PBX4: variants seen among roughly 807,000 people sequenced by gnomAD.
The protein encoded by PBX4 is pre-B-cell leukemia transcription factor 4.
PBX4 carries 26 observed loss-of-function variants against 35.1 expected under a neutral mutation model. The observed-to-expected ratio is 0.74, with a 90% CI of 0.54 to 1.03. The LOEUF (loss-of-function observed/expected upper bound fraction) is 1.03, where lower values mean the gene tolerates loss of function less well. Among genes scored for constraint, PBX4 ranks in the 50% least tolerant of loss-of-function variants. The pLI is 0.00. For synonymous variants in PBX4, 199 were observed against 204.2 expected, an observed-to-expected ratio of 0.97 and a Z score of 0.22; for missense variants, 448 against 504.3, an observed-to-expected ratio of 0.89 and a Z score of 1.07.
intron 2 of PBX4, among the ~76,000 whole-genome samples, chr19:19,578,634 G>T (rs1195385634): frequency 6.6e-6 from 1 of 152,176 alleles, no homozygotes; most frequent in Non-Finnish European, 1.5e-5. Context: ...GCTTCCTTCT[G>T]TTCCCAACTT....
At position 19,562,263 on chromosome 19, in the gene PBX4, A is replaced by G; in HGVS notation, c.1033-146T>C. On this transcript the variant is annotated intron_variant, in intron 7 of 7. Transcript: ENST00000251203. The surrounding 1 kb of genome is among the most constrained non-coding windows in gnomAD (Gnocchi z 4.8). ...GACCTCCAGCTCAGTGGAGGAGGGA[A>G]GGGATGGAGGGGTCGGTCCTGGGTC... 1 of 590,222 alleles carries G rather than the reference A, an allele frequency of 1.7e-6. No homozygotes were observed. The highest frequency in any genetic ancestry group is 2.9e-6 in the Non-Finnish European group (1 of 341,422). The allele number at this position is 590,222 out of a possible 1,614,324, so 36.6% of individuals were successfully genotyped here.
chr19:19,598,773 G>A (rs1162003733), intron 2 of PBX4, among the ~76,000 whole-genome samples: 1 of 152,046 alleles, frequency 6.6e-6, no homozygotes, highest in Non-Finnish European at 1.5e-5. Context: ...GGAAACCAGG[G>A]CAATGATAAG....
At chr19:19,583,411 G>C (rs1470521635) in intron 2 of PBX4, among the ~76,000 whole-genome samples, 1 of 151,998 alleles carries the variant, frequency 6.6e-6, no homozygotes, top group African/African-American at 2.4e-5. Flanking sequence ...AGGAGTTTGA[G>C]AGCAGCCTGG....
intron 1 of PBX4, among the ~76,000 whole-genome samples, chr19:19,607,122 C>T (rs2061636283): frequency 1.3e-5 from 2 of 152,130 alleles, no homozygotes; most frequent in South Asian, 2.1e-4. Flanking sequence ...GGCATGATCT[C>T]AGCTCACTGC....
In PBX4 at chr19:19,563,312, G is replaced by A. The variant is rs1680489058; in HGVS notation, c.1032+197C>T. Among the ~76,000 whole-genome samples, 1 of 152,190 alleles carries A rather than the reference G, an allele frequency of 6.6e-6. No individual in the cohort carries two copies. Among genetic ancestry groups the A allele is most frequent in the Non-Finnish European group, 1.5e-5 (1 of 68,022 alleles). On this transcript the variant is annotated intron_variant, in intron 7 of 7. Coordinates refer to ENST00000251203, the MANE Select transcript of PBX4 (RefSeq NM_025245.3). The surrounding 1 kb of genome is among the most constrained non-coding windows in gnomAD (Gnocchi z 5.1). Reference sequence around the variant, plus strand: ...CCCAGCGGCTGCCGTGGTGACAAGTGGAGGTGGGGGAGGGCACAGTCATTA... The same window carrying A: ...CCCAGCGGCTGCCGTGGTGACAAGTAGAGGTGGGGGAGGGCACAGTCATTA...
intron 5 of PBX4, among the ~76,000 whole-genome samples, chr19:19,568,025 C>T (rs2144705389): frequency 6.8e-6 from 1 of 146,484 alleles, no homozygotes; most frequent in South Asian, 2.2e-4. Flanking sequence ...ACTCACACTC[C>T]ATCTTTATCC....
intron 5 of PBX4, among the ~76,000 whole-genome samples, chr19:19,568,288 T>C (rs1402303892): frequency 7.2e-6 from 1 of 139,466 alleles, no homozygotes; most frequent in East Asian, 2.3e-4. Flanking sequence ...TCACACTCCA[T>C]CTGTATCCCT....
chr19:19,601,990 C>T (rs149100948), intron 1 of PBX4, among the ~76,000 whole-genome samples: 1 of 152,174 alleles, frequency 6.6e-6, no homozygotes, highest in East Asian at 1.9e-4. Flanking sequence ...GAGGCACGCA[C>T]CAACACACCT....
At chr19:19,613,629 G>A (rs1022488726) in intron 1 of PBX4, among the ~76,000 whole-genome samples, 5 of 152,010 alleles carry the variant, frequency 3.3e-5, no homozygotes, top group African/African-American at 7.2e-5. Flanking sequence ...GCAATATCCC[G>A]GTCTGGAAAG....
Position 19,561,946 on chromosome 19 carries a change from G to T in PBX4, c.*79C>A, listed in dbSNP as rs997195662. 4.6e-6 allele frequency: 6 copies of T among 1,294,564 alleles called. No homozygotes were observed. In the African/African-American group the frequency reaches 7.5e-5, roughly 16 times the overall value. The allele number at this position is 1,294,564 out of a possible 1,614,324, so 80.2% of individuals were successfully genotyped here. On this transcript the variant is annotated 3_prime_UTR_variant, in exon 8 of 8. Transcript: ENST00000251203. ...CCATCTGGGTTTTCTGAGGTCGTCGGCGGCACGTTCAGTAACAAAGCAACG... is the reference window on the plus strand; with the variant it reads ...CCATCTGGGTTTTCTGAGGTCGTCGTCGGCACGTTCAGTAACAAAGCAACG...
At chr19:19,594,400 A>C (rs564292844) in intron 2 of PBX4, among the ~76,000 whole-genome samples, 1 of 152,132 alleles carries the variant, frequency 6.6e-6, no homozygotes, top group South Asian at 2.1e-4. Context: ...CTGTCTAAAA[A>C]AAAAAAAAAA....
chr19:19,587,226 C>G (rs2061495324), intron 2 of PBX4, among the ~76,000 whole-genome samples: 1 of 151,880 alleles, frequency 6.6e-6, no homozygotes, highest in African/African-American at 2.4e-5. Context: ...TAAACACGAA[C>G]TTTATTAATA....
intron 1 of PBX4, among the ~76,000 whole-genome samples, chr19:19,606,978 A>G (rs1160277188): frequency 6.6e-6 from 1 of 152,146 alleles, no homozygotes; most frequent in Non-Finnish European, 1.5e-5. Context: ...GTGACACAGC[A>G]AGACTCTGTC....
At chr19:19,614,768 C>T (rs979346758) in intron 1 of PBX4, among the ~76,000 whole-genome samples, 4 of 151,576 alleles carry the variant, frequency 2.6e-5, no homozygotes. Flanking sequence ...CTCAGTGGCT[C>T]ATGTTTGAAA....
intron 1 of PBX4, among the ~76,000 whole-genome samples, chr19:19,604,451 A>G (rs1368050133): frequency 1.2e-5 from 1 of 81,050 alleles, no homozygotes; most frequent in Non-Finnish European, 2.3e-5. Context: ...TGGGCAACAG[A>G]GCGAGATTCC....
intron 2 of PBX4, chr19:19,588,224 C>A: frequency 5.9e-6 from 8 of 1,364,786 alleles, no homozygotes; most frequent in Non-Finnish European, 8.3e-6. Flanking sequence ...ATCAGAGACC[C>A]CAGGGCCTCC....
intron 1 of PBX4, among the ~76,000 whole-genome samples, chr19:19,604,348 T>C (rs2061615929): frequency 6.6e-6 from 1 of 150,748 alleles, no homozygotes; most frequent in Non-Finnish European, 1.5e-5. Flanking sequence ...GGTGTACACC[T>C]GTAATCCCAA....
intron 2 of PBX4, among the ~76,000 whole-genome samples, chr19:19,581,179 T>G (rs2061451990): frequency 6.6e-6 from 1 of 152,348 alleles, no homozygotes; most frequent in Non-Finnish European, 1.5e-5. Context: ...AGTAATTTGA[T>G]GTCTATTGAA....
intron 2 of PBX4, chr19:19,588,125 GA>G: frequency 9.3e-7 from 1 of 1,073,892 alleles, no homozygotes; most frequent in South Asian, 1.3e-5. Flanking sequence ...TGCGTTCATA[GA>G]AGAGGTCTTA....
Sources: allele counts gnomAD v4.1 joint callset (sites outside exome capture counted in the v4.1 genomes callset), GRCh38; gene constraint gnomAD v4.1.1; non-coding constraint Gnocchi (gnomAD v3.1); transcripts MANE v1.5; gene names NCBI Gene and HGNC (gene_info 2026-07-23, HGNC 2026-07-21).